Variants in HUWE1 observed in about 807,000 individuals in gnomAD.
The protein encoded by HUWE1 is E3 ubiquitin-protein ligase HUWE1.
HUWE1 carries 18 observed loss-of-function variants against 299.4 expected under a neutral mutation model. That is an observed-to-expected ratio of 0.06 (90% confidence interval 0.04 to 0.09). HUWE1 has a LOEUF of 0.09. Ranked by LOEUF, HUWE1 falls within the 10% of genes least tolerant of loss-of-function variation. The pLI, the probability that HUWE1 is intolerant of heterozygous loss-of-function variation, is 1.00. For synonymous variants in HUWE1, 1,317 were observed against 1,286.1 expected (o/e 1.02, Z -0.51); for missense variants, 1,832 against 3,462.3 (o/e 0.53, Z 11.82).
At position 53,611,800 on chromosome X, in the gene HUWE1, G is replaced by T. The variant is rs188465812; in HGVS notation, c.2261+2734C>A. 2.8e-5 allele frequency among the ~76,000 whole-genome samples: 3 copies of T among 108,915 alleles called. No individual in the cohort carries two copies. The East Asian group carries it at 8.6e-4, about 31-fold the overall frequency. 94.6% of individuals were successfully genotyped at this position (108,915 alleles called of 115,157 possible). On this transcript the variant is annotated intron_variant, in intron 23 of 83. Transcript: ENST00000262854. ...TTGAACTCGGGAGGCGGAGGTTGCA[G>T]TGAGCTGAGCTCGTGCCTCTGCACT...
chrX:53,636,146 T>G (rs1226400038), intron 7 of HUWE1, among the ~76,000 whole-genome samples: 1 of 112,168 alleles, frequency 8.9e-6, no homozygotes, highest in Non-Finnish European at 1.9e-5. Context: ...ACTTCTCTAG[T>G]GAAAACCTAA....
At chrX:53,578,218 T>C (rs1179403186) in intron 43 of HUWE1, among the ~76,000 whole-genome samples, 1 of 87,857 alleles carries the variant, frequency 1.1e-5, no homozygotes, top group African/African-American at 4.4e-5. Flanking sequence ...GCCGCAACCC[T>C]GTCTGGGAGG....
intron 26 of HUWE1, among the ~76,000 whole-genome samples, 194 bp from the exon 27 acceptor site, chrX:53,603,695 A>G (rs782604816): frequency 1.8e-4 from 20 of 112,410 alleles, no homozygotes; most frequent in Non-Finnish European, 3.8e-4. Context: ...ATATTTACAA[A>G]CTATTTCCAC....
At chrX:53,649,599 C>A (rs191353881) in intron 4 of HUWE1, among the ~76,000 whole-genome samples, 2 of 111,946 alleles carry the variant, frequency 1.8e-5, no homozygotes, top group African/African-American at 6.5e-5. Flanking sequence ...GGCACAAAAT[C>A]CTTCCATAAA....
chrX:53,674,877 C>T (rs781919731), intron 3 of HUWE1, among the ~76,000 whole-genome samples: 1 of 111,928 alleles, frequency 8.9e-6, no homozygotes, highest in Admixed American at 9.5e-5. Context: ...AGGAAACTGG[C>T]TCAGTGATGA....
chrX:53,633,198 A>G (rs1241540861), intron 8 of HUWE1, among the ~76,000 whole-genome samples: 1 of 112,446 alleles, frequency 8.9e-6, no homozygotes, highest in Non-Finnish European at 1.9e-5. Context: ...AACAAAATTA[A>G]GATGACAGCA....
chrX:53,565,261 A>C (rs1556944621), intron 49 of HUWE1, 22 bp from the exon 50 acceptor site: 3 of 1,161,109 alleles, frequency 2.6e-6, no homozygotes, highest in Non-Finnish European at 3.5e-6. Context: ...GAAGATAAAG[A>C]GATGGACTGA....
intron 33 of HUWE1, among the ~76,000 whole-genome samples, chrX:53,591,416 T>C (rs1556978951): frequency 2.7e-5 from 3 of 111,383 alleles, no homozygotes; most frequent in Admixed American, 9.5e-5. Flanking sequence ...ATTAAAAGAT[T>C]GAGACTCATA....
intron 3 of HUWE1, among the ~76,000 whole-genome samples, chrX:53,665,093 A>T (rs1557047004): frequency 1.8e-5 from 2 of 111,577 alleles, no homozygotes; most frequent in Non-Finnish European, 3.8e-5. Flanking sequence ...TCAAACCCAA[A>T]TCTGTTCCAC....
chrX:53,658,682 C>T (rs1489030208), intron 3 of HUWE1, among the ~76,000 whole-genome samples: 1 of 111,771 alleles, frequency 8.9e-6, no homozygotes, highest in Non-Finnish European at 1.9e-5. Context: ...AAATCTAAAC[C>T]GAAATTACAT....
intron 37 of HUWE1, among the ~76,000 whole-genome samples, chrX:53,587,169 T>C (rs1319407873): frequency 8.9e-6 from 1 of 112,432 alleles, no homozygotes; most frequent in Non-Finnish European, 1.9e-5. Flanking sequence ...TATATATTAA[T>C]ATAAAGTACC....
At chrX:53,628,674 A>G (rs1392313221) in intron 14 of HUWE1, 54 bp from the exon 15 acceptor site, 1 of 1,204,651 alleles carries the variant, frequency 8.3e-7, no homozygotes, top group South Asian at 1.8e-5. Context: ...ATTGCTGTTA[A>G]GCAGGCAGGA....
intron 23 of HUWE1, among the ~76,000 whole-genome samples, chrX:53,611,206 AAAAG>A (rs1569489707): frequency 9.2e-6 from 1 of 109,251 alleles, no homozygotes; most frequent in Non-Finnish European, 1.9e-5. Flanking sequence ...AAAAAAAAAA[AAAAG>A]AAAGGGTAGT....
chrX:53,568,342 G>C (rs894053518), intron 49 of HUWE1, among the ~76,000 whole-genome samples: 2 of 111,307 alleles, frequency 1.8e-5, no homozygotes, highest in Non-Finnish European at 3.8e-5. Flanking sequence ...GAAAAACACT[G>C]AATAATAAAC....
At chrX:53,581,347 C>T (rs1245383615) in intron 42 of HUWE1, among the ~76,000 whole-genome samples, 2 of 112,226 alleles carry the variant, frequency 1.8e-5, no homozygotes, top group Non-Finnish European at 3.8e-5. Flanking sequence ...AATTTTAAAC[C>T]AGAATGGTTC....
In HUWE1 at chrX:53,558,663, T is replaced by G; in HGVS notation, c.8152A>C (p.Ser2718Arg). ...CAGCCCTTGGGAATCACCTGTGCAC[T>G]CTGATCCCTGTTCTCCTTATCTTCT... ...GKEDKENRDQ[S>R]AQCTASKSND... The change falls in exon 59 of 84, where the codon AGT becomes CGT. Residue 2718 changes from serine (S) to arginine (R), a missense_variant. Coordinates refer to ENST00000262854, the MANE Select transcript of HUWE1 (RefSeq NM_031407.7). The G allele has an allele frequency of 4.1e-6, 5 of 1,210,499 alleles. No homozygotes were observed. In the South Asian group the frequency reaches 8.8e-5, roughly 21 times the overall value.
In HUWE1 at chrX:53,665,410, C is replaced by G. The variant is rs181588669; in HGVS notation, c.-24-11279G>C. ...GTTTATGCTGGCTCTGGGTGTTTCT[C>G]TGCACTGCAGTTATGCTTAAGCAAG... On this transcript the variant is annotated intron_variant, in intron 3 of 83. Coordinates refer to ENST00000262854, the MANE Select transcript of HUWE1 (RefSeq NM_031407.7). 2.9e-3 allele frequency among the ~76,000 whole-genome samples: 330 copies of G among 112,340 alleles called. 1 individual carries two copies. Among genetic ancestry groups the G allele is most frequent in the Non-Finnish European group, 4.6e-3 (246 of 53,285 alleles).
rs60140464 is a variant in HUWE1, at chrX:53,646,195, T to C, written c.352-732A>G. 1.2e-4 allele frequency among the ~76,000 whole-genome samples: 13 copies of C among 110,941 alleles called. No individual in the cohort carries two copies. In the East Asian group the frequency reaches 3.4e-3, roughly 29 times the overall value. Reference sequence around the variant, plus strand: ...GCTGTTTGGAGACGGGGTCTCTCTGTTGCCCAGGCTGGAGTGCAAAGGCAT... The same window carrying C: ...GCTGTTTGGAGACGGGGTCTCTCTGCTGCCCAGGCTGGAGTGCAAAGGCAT... On this transcript the variant is annotated intron_variant, in intron 6 of 83. Coordinates refer to ENST00000262854, the MANE Select transcript of HUWE1 (RefSeq NM_031407.7).
intron 43 of HUWE1, among the ~76,000 whole-genome samples, chrX:53,577,473 A>C (rs782758251): frequency 1.0e-5 from 1 of 95,718 alleles, no homozygotes; most frequent in East Asian, 3.4e-4. Context: ...AAAAAAAAAA[A>C]AAACTCCCTC....
Sources: allele counts gnomAD v4.1 joint callset (sites outside exome capture counted in the v4.1 genomes callset), GRCh38; gene constraint gnomAD v4.1.1; transcripts MANE v1.5; gene names NCBI Gene and HGNC (gene_info 2026-07-23, HGNC 2026-07-21).